Variants in PBX1 observed in about 807,000 individuals in gnomAD.
PBX1 encodes the protein pre-B-cell leukemia transcription factor 1.
Under a neutral mutation model 53.4 loss-of-function variants are expected in PBX1, and 6 were observed. That is an observed-to-expected ratio of 0.11 (90% CI 0.06 to 0.22). PBX1 has a LOEUF of 0.22. Ranked by LOEUF, PBX1 falls within the 10% of genes least tolerant of loss-of-function variation. The pLI, the probability that PBX1 is intolerant of heterozygous loss-of-function variation, is 1.00. For missense variants in PBX1, 251 were observed against 551.4 expected, an observed-to-expected ratio of 0.46 and a Z score of 5.46; for synonymous variants, 204 against 212.3, an observed-to-expected ratio of 0.96 and a Z score of 0.34.
intron 2 of PBX1, among the ~76,000 whole-genome samples, chr1:164,739,240 T>C (rs564706209): frequency 1.2e-4 from 18 of 152,354 alleles, no homozygotes; most frequent in African/African-American, 4.1e-4. Context: ...ATCCAGTATA[T>C]GTGTTTCTGT....
At chr1:164,760,913 C>G (rs556734552) in intron 2 of PBX1, among the ~76,000 whole-genome samples, 35 of 152,304 alleles carry the variant, frequency 2.3e-4, no homozygotes, top group African/African-American at 8.2e-4. Context: ...TTGGTTTGCA[C>G]TCACGTTTGG....
intron 2 of PBX1, among the ~76,000 whole-genome samples, chr1:164,565,848 T>G (rs559576675): frequency 6.6e-6 from 1 of 152,130 alleles, no homozygotes; most frequent in South Asian, 2.1e-4. Context: ...TTGGGGACTT[T>G]TTCTATTGTT....
chr1:164,604,646 T>C lies in PBX1; in HGVS notation c.265+41335T>C, dbSNP rs564787390. On this transcript the variant is annotated intron_variant, in intron 2 of 8. Transcript: ENST00000420696. ...TATAGCGGCATTCATATGTAATAAA[T>C]AACTTATCAAAATAGTCATAAAGGA... Among the ~76,000 whole-genome samples the C allele has an allele frequency of 6.6e-5, 10 of 152,310 alleles. No homozygotes were observed. In the South Asian group the frequency reaches 1.4e-3, roughly 22 times the overall value.
At chr1:164,568,853 G>A (rs1218736869) in intron 2 of PBX1, among the ~76,000 whole-genome samples, 5 of 152,206 alleles carry the variant, frequency 3.3e-5, no homozygotes, top group Admixed American at 2.6e-4. Context: ...AAAGGTGCAG[G>A]AATAGATTGT....
intron 2 of PBX1, among the ~76,000 whole-genome samples, chr1:164,656,079 AAG>A (rs1660148110): frequency 6.6e-6 from 1 of 152,220 alleles, no homozygotes; most frequent in East Asian, 1.9e-4. Flanking sequence ...ATATTTTTAA[AAG>A]AGAGTCAAAA....
chr1:164,737,791 A>G (rs1665378920), intron 2 of PBX1, among the ~76,000 whole-genome samples: 1 of 151,970 alleles, frequency 6.6e-6, no homozygotes, highest in Non-Finnish European at 1.5e-5. Flanking sequence ...AGTTTTGACA[A>G]ATATATGTTT....
intron 2 of PBX1, among the ~76,000 whole-genome samples, chr1:164,769,508 A>G (rs1018152267): frequency 6.6e-6 from 1 of 152,132 alleles, no homozygotes; most frequent in African/African-American, 2.4e-5. Context: ...CATTTATTAA[A>G]TGGGCCCGGT....
At chr1:164,713,221 C>T (rs976491779) in intron 2 of PBX1, among the ~76,000 whole-genome samples, 4 of 152,138 alleles carry the variant, frequency 2.6e-5, no homozygotes, top group African/African-American at 9.7e-5. Context: ...TTGAACTTTT[C>T]TCTATGTAGT....
chr1:164,772,484 C>T (rs1383906198), intron 2 of PBX1, among the ~76,000 whole-genome samples: 1 of 152,192 alleles, frequency 6.6e-6, no homozygotes, highest in Non-Finnish European at 1.5e-5. Context: ...AAAAGAAAGG[C>T]AAGTGGCCCA....
intron 2 of PBX1, among the ~76,000 whole-genome samples, chr1:164,615,259 G>A (rs1396257122): frequency 6.6e-6 from 1 of 152,154 alleles, no homozygotes; most frequent in Non-Finnish European, 1.5e-5. Context: ...CTAACAATGT[G>A]TGGGTTACCC....
intron 2 of PBX1, among the ~76,000 whole-genome samples, chr1:164,622,919 A>G (rs960818080): frequency 6.7e-5 from 10 of 150,212 alleles, no homozygotes; most frequent in South Asian, 2.1e-4. Flanking sequence ...GGTTCAAGCA[A>G]TTCTCCTGCC....
chr1:164,650,239 T>C (rs1392504883), intron 2 of PBX1, among the ~76,000 whole-genome samples: 1 of 150,986 alleles, frequency 6.6e-6, no homozygotes, highest in African/African-American at 2.5e-5. Flanking sequence ...CTTTTTTTTT[T>C]TTTTTTTGAG....
At chr1:164,668,401 A>G (rs1357294042) in intron 2 of PBX1, among the ~76,000 whole-genome samples, 2 of 152,068 alleles carry the variant, frequency 1.3e-5, no homozygotes, top group East Asian at 3.9e-4. Flanking sequence ...ATGTATACAA[A>G]TTCTCTCACC....
chr1:164,625,245 C>G (rs1657959951), intron 2 of PBX1, among the ~76,000 whole-genome samples: 1 of 152,128 alleles, frequency 6.6e-6, no homozygotes, highest in Non-Finnish European at 1.5e-5. Context: ...TGTGAAAATG[C>G]CCCAAGTTTG....
chr1:164,660,265 C>T (rs972082339), intron 2 of PBX1, among the ~76,000 whole-genome samples: 2 of 152,156 alleles, frequency 1.3e-5, no homozygotes, highest in African/African-American at 4.8e-5. Context: ...ACCTGAAATA[C>T]GGGTTTGGGC....
chr1:164,833,181 A>C (rs1439354572), intron 8 of PBX1, among the ~76,000 whole-genome samples: 1 of 151,182 alleles, frequency 6.6e-6, no homozygotes, highest in African/African-American at 2.4e-5. Flanking sequence ...TCAGGGCAAT[A>C]ACCCTCCCCT....
intron 2 of PBX1, among the ~76,000 whole-genome samples, chr1:164,727,011 T>A (rs1286265819): frequency 6.6e-6 from 1 of 152,208 alleles, no homozygotes. Context: ...CTATTTTTGA[T>A]CACTTCATTT....
chr1:164,565,954 T>C (rs761615485), intron 2 of PBX1, among the ~76,000 whole-genome samples: 54 of 152,104 alleles, frequency 3.6e-4, no homozygotes, highest in Non-Finnish European at 7.2e-4. Context: ...TGATTTAGGG[T>C]GGGCTTTGTT....
intron 5 of PBX1, among the ~76,000 whole-genome samples, chr1:164,810,257 A>G (rs1487150204): frequency 6.6e-6 from 1 of 152,194 alleles, no homozygotes; most frequent in Non-Finnish European, 1.5e-5. Flanking sequence ...TGTTATCTAT[A>G]CATCCCTAGT....
Sources: allele counts gnomAD v4.1 joint callset (sites outside exome capture counted in the v4.1 genomes callset), GRCh38; gene constraint gnomAD v4.1.1; transcripts MANE v1.5; gene names NCBI Gene and HGNC (gene_info 2026-07-23, HGNC 2026-07-21).